RAB31: variants seen among roughly 807,000 people sequenced by gnomAD.
RAB31 encodes ras-related protein Rab-31.
A neutral mutation model predicts 25.6 loss-of-function variants in RAB31; 21 were observed. That is an observed-to-expected ratio of 0.82 (90% CI 0.58 to 1.18). The LOEUF (loss-of-function observed/expected upper bound fraction) is 1.18. RAB31 is among the 50% of genes most tolerant of loss of function. The pLI is 0.00. For synonymous variants in RAB31, 87 were observed against 84.0 expected (o/e 1.04, Z -0.20); for missense variants, 196 against 250.1 (o/e 0.78, Z 1.46).
intron 6 of RAB31, among the ~76,000 whole-genome samples, chr18:9,855,041 G>A (rs2068808633): frequency 6.6e-6 from 1 of 152,214 alleles, no homozygotes; most frequent in Non-Finnish European, 1.5e-5. Flanking sequence ...CAGCGCTTGC[G>A]CAGGAAATGG....
chr18:9,787,109 G>A lies in RAB31; in HGVS notation c.120-5045G>A, dbSNP rs928838337. 7.4e-5 allele frequency: 16 copies of A among 217,632 alleles called. No homozygotes were observed. The East Asian group carries it at 1.2e-3, about 17-fold the overall frequency. 13.5% of individuals were successfully genotyped at this position (217,632 alleles called of 1,614,324 possible). On this transcript the variant is annotated intron_variant, in intron 2 of 6. Coordinates refer to ENST00000578921, the MANE Select transcript of RAB31 (RefSeq NM_006868.4). Reference sequence around the variant, plus strand: ...GCTAAAGGGAAAATTTATGAATGTCGTCAAGTTGAAAAGTCTGTCAGCAAT... The same window carrying A: ...GCTAAAGGGAAAATTTATGAATGTCATCAAGTTGAAAAGTCTGTCAGCAAT...
At chr18:9,710,634 T>C (rs896182080) in intron 1 of RAB31, among the ~76,000 whole-genome samples, 5 of 151,904 alleles carry the variant, frequency 3.3e-5, no homozygotes, top group African/African-American at 1.2e-4. Flanking sequence ...GGGGGGATCA[T>C]TTGAGGTCAG....
intron 2 of RAB31, among the ~76,000 whole-genome samples, chr18:9,784,921 A>G (rs1035056704): frequency 1.3e-5 from 2 of 152,154 alleles, no homozygotes; most frequent in Admixed American, 1.3e-4. Context: ...AGTTGAGGAA[A>G]AGCAAAATTT....
At chr18:9,819,825 T>C (rs1381166965) in intron 5 of RAB31, among the ~76,000 whole-genome samples, 1 of 152,104 alleles carries the variant, frequency 6.6e-6, no homozygotes, top group African/African-American at 2.4e-5. Context: ...TTTGATGGTA[T>C]TGTGAATGGG....
intron 5 of RAB31, among the ~76,000 whole-genome samples, chr18:9,819,428 C>T (rs559352762): frequency 2.6e-4 from 40 of 152,262 alleles, no homozygotes; most frequent in African/African-American, 9.1e-4. Flanking sequence ...TTGATCTACA[C>T]GTCTGTCCTG....
intron 2 of RAB31, among the ~76,000 whole-genome samples, chr18:9,781,532 C>T (rs901186943): frequency 2.6e-5 from 4 of 152,176 alleles, no homozygotes; most frequent in African/African-American, 7.2e-5. Context: ...AGGCTGGTCT[C>T]GAGCTCCTTA....
intron 1 of RAB31, among the ~76,000 whole-genome samples, chr18:9,742,251 C>G (rs2068183497): frequency 6.6e-6 from 1 of 152,188 alleles, no homozygotes; most frequent in Admixed American, 6.5e-5. Flanking sequence ...AAACAGCAAG[C>G]AAGGGTTTCG....
intron 1 of RAB31, among the ~76,000 whole-genome samples, chr18:9,721,724 G>C (rs1176785893): frequency 6.6e-6 from 1 of 152,120 alleles, no homozygotes; most frequent in East Asian, 1.9e-4. Flanking sequence ...GTTTCTAGGG[G>C]TTGGGGGAAT....
At chr18:9,751,194 C>T (rs1280297285) in intron 1 of RAB31, among the ~76,000 whole-genome samples, 2 of 151,798 alleles carry the variant, frequency 1.3e-5, no homozygotes, top group Non-Finnish European at 1.5e-5. Context: ...CCACCATGCC[C>T]GTCTAATTTA....
chr18:9,806,731 T>C (rs968478722), intron 3 of RAB31, among the ~76,000 whole-genome samples: 1 of 152,158 alleles, frequency 6.6e-6, no homozygotes, highest in African/African-American at 2.4e-5. Flanking sequence ...TAAGATGATG[T>C]CAAGTATTTG....
At chr18:9,844,610 C>A (rs1433464280) in intron 5 of RAB31, 1 of 152,274 alleles carries the variant, frequency 6.6e-6, no homozygotes, top group African/African-American at 2.4e-5. Context: ...GAAGGCAGAA[C>A]CTGTGTTTTC....
At chr18:9,858,275 A>G (rs914140180) in intron 6 of RAB31, among the ~76,000 whole-genome samples, 3 of 152,238 alleles carry the variant, frequency 2.0e-5, no homozygotes, top group Non-Finnish European at 4.4e-5. Context: ...CGACCATTAC[A>G]TCAAATTCAC....
chr18:9,839,495 G>A (rs959841458), intron 5 of RAB31, among the ~76,000 whole-genome samples: 6 of 152,232 alleles, frequency 3.9e-5, no homozygotes, highest in African/African-American at 1.4e-4. Context: ...AATTGCGGGT[G>A]TCCCTGTGAG....
chr18:9,835,564 G>A (rs1411436449), intron 5 of RAB31, among the ~76,000 whole-genome samples: 4 of 152,218 alleles, frequency 2.6e-5, no homozygotes. Context: ...AGCCCCAGGT[G>A]AATAGCAGTT....
rs62078920 is a variant in RAB31, at chr18:9,708,585, C to T, written c.39+141C>T. 0.52 allele frequency: 354,256 copies of T among 683,112 alleles called. 96,815 individuals carry two copies. Among genetic ancestry groups the T allele is most frequent in the Non-Finnish European group, 0.56 (255,886 of 457,790 alleles). 42.3% of individuals were successfully genotyped at this position (683,112 alleles called of 1,614,324 possible). A position where few individuals can be genotyped will look rare whatever the true frequency, so the allele number is the denominator to read the frequency against. The stretch of plus-strand genomic sequence containing the variant: ...GTAGCCCCCGTCCCCCTCGTCCGCG[C>T]GCCCCCTGGTTCCCCGGGTCCCCCT... On this transcript the variant is annotated intron_variant, in intron 1 of 6. Transcript: ENST00000578921. This position sits in a 1 kb window ranked among gnomAD's most constrained non-coding sequence, Gnocchi z 6.4.
intron 2 of RAB31, among the ~76,000 whole-genome samples, chr18:9,782,307 A>G (rs2068409394): frequency 6.6e-6 from 1 of 152,182 alleles, no homozygotes; most frequent in Non-Finnish European, 1.5e-5. Flanking sequence ...CTAGGTGCAC[A>G]CAGCCCGTGA....
intron 1 of RAB31, among the ~76,000 whole-genome samples, chr18:9,713,612 CA>C (rs2068028917): frequency 6.6e-6 from 1 of 152,166 alleles, no homozygotes; most frequent in Admixed American, 6.5e-5. Flanking sequence ...GAGCTCAGTG[CA>C]TCTCTGGAGT....
At chr18:9,857,376 C>G (rs2068821725) in intron 6 of RAB31, among the ~76,000 whole-genome samples, 1 of 152,066 alleles carries the variant, frequency 6.6e-6, no homozygotes, top group Non-Finnish European at 1.5e-5. Flanking sequence ...AGGTAACACC[C>G]ACTTGCATTA....
chr18:9,727,518 G>A (rs1315591597), intron 1 of RAB31, among the ~76,000 whole-genome samples: 1 of 152,142 alleles, frequency 6.6e-6, no homozygotes, highest in East Asian at 1.9e-4. Flanking sequence ...TTCTCGTTAT[G>A]TTGTCGAGGC....
Sources: allele counts gnomAD v4.1 joint callset (sites outside exome capture counted in the v4.1 genomes callset), GRCh38; gene constraint gnomAD v4.1.1; non-coding constraint Gnocchi (gnomAD v3.1); transcripts MANE v1.5; gene names NCBI Gene and HGNC (gene_info 2026-07-23, HGNC 2026-07-21).